Variants in SLC7A8 observed in about 807,000 individuals in gnomAD.
The protein encoded by SLC7A8 is solute carrier family 7 member 8, also known as large neutral amino acids transporter small subunit 2.
SLC7A8 carries 30 observed loss-of-function variants against 51.2 expected under a neutral mutation model. That is an observed-to-expected ratio of 0.59 (90% CI 0.44 to 0.80). The LOEUF (loss-of-function observed/expected upper bound fraction) is 0.80, where lower values mean the gene tolerates loss of function less well. Ranked by LOEUF, SLC7A8 falls within the 30% of genes least tolerant of loss-of-function variation. SLC7A8 has a pLI of 0.00. For missense variants in SLC7A8, 612 were observed against 674.4 expected, an observed-to-expected ratio of 0.91 and a Z score of 1.03; for synonymous variants, 257 against 275.8, an observed-to-expected ratio of 0.93 and a Z score of 0.67.
intron 7 of SLC7A8, among the ~76,000 whole-genome samples, chr14:23,137,135 T>C (rs1173036215): frequency 6.6e-6 from 1 of 152,110 alleles, no homozygotes; most frequent in Non-Finnish European, 1.5e-5. Flanking sequence ...ATTCAACATC[T>C]GCTAGCCTCA....
intron 3 of SLC7A8, among the ~76,000 whole-genome samples, chr14:23,149,620 G>C (rs563978774): frequency 9.7e-4 from 147 of 152,228 alleles, no homozygotes; most frequent in Middle Eastern, 3.4e-3. Context: ...ACATCAGAGG[G>C]GACAGAGTGG....
Position 23,183,469 on chromosome 14 carries a change from G to T in SLC7A8, c.-555C>A, listed in dbSNP as rs1365050336. The T allele has an allele frequency of 6.6e-6, 1 of 152,234 alleles. No homozygotes were observed. Among genetic ancestry groups the T allele is most frequent in the Non-Finnish European group, 1.5e-5 (1 of 68,128 alleles). The allele number at this position is 152,234 out of a possible 1,614,324, so 9.4% of individuals were successfully genotyped here. On this transcript the variant is annotated 5_prime_UTR_variant, in exon 1 of 11. Transcript: ENST00000316902. ...AGAAAAACAAACTGTGAACCTGACGGTGTTGCTCTAGATCTGGTTTCCACC... is the reference window on the plus strand; with the variant it reads ...AGAAAAACAAACTGTGAACCTGACGTTGTTGCTCTAGATCTGGTTTCCACC...
intron 9 of SLC7A8, chr14:23,129,444 C>A: frequency 1.8e-6 from 1 of 551,964 alleles, no homozygotes; most frequent in Non-Finnish European, 3.2e-6. Flanking sequence ...ACTTATTCCC[C>A]AGCTGCAGTC....
intron 1 of SLC7A8, 27 bp from the exon 2 acceptor site, chr14:23,166,567 G>A (rs2048951607): frequency 1.9e-6 from 3 of 1,612,784 alleles, no homozygotes; most frequent in Non-Finnish European, 2.5e-6. Flanking sequence ...GGGTAAGGAG[G>A]GGAGACAGTA....
intron 1 of SLC7A8, among the ~76,000 whole-genome samples, chr14:23,170,274 A>G: frequency 6.6e-6 from 1 of 152,184 alleles, no homozygotes; most frequent in East Asian, 1.9e-4. Flanking sequence ...CCATGATTCC[A>G]TGCTGCCTCC....
chr14:23,143,334 G>T, intron 3 of SLC7A8, 130 bp from the exon 4 acceptor site: 2 of 1,294,168 alleles, frequency 1.5e-6, no homozygotes, highest in Non-Finnish European at 2.1e-6. Flanking sequence ...CATCCAGCAA[G>T]CTCAACCCCA....
chr14:23,148,707 T>C (rs932402372), intron 3 of SLC7A8, among the ~76,000 whole-genome samples: 2 of 152,150 alleles, frequency 1.3e-5, no homozygotes, highest in African/African-American at 4.8e-5. Flanking sequence ...GCTTTGAAGA[T>C]GAAAGATGGG....
Position 23,165,648 on chromosome 14 carries a change from T to C in SLC7A8, c.357-212A>G, listed in dbSNP as rs1022297082. 6.6e-6 allele frequency among the ~76,000 whole-genome samples: 1 copy of C among 152,078 alleles called. No individual in the cohort carries two copies. Among genetic ancestry groups the C allele is most frequent in the African/African-American group, 2.4e-5 (1 of 41,378 alleles). ...AAATTTCCACAAGCACTAACACAAG[T>C]CTTGGCGTTCTTCCTTTCTCTCCTC... On this transcript the variant is annotated intron_variant, in intron 2 of 10. Transcript: ENST00000316902. This position sits in a 1 kb window ranked among gnomAD's most constrained non-coding sequence, Gnocchi z 4.2.
intron 3 of SLC7A8, among the ~76,000 whole-genome samples, chr14:23,144,701 G>A (rs74436529): frequency 0.015 from 2,215 of 152,036 alleles, 60 homozygotes; most frequent in African/African-American, 0.05. Context: ...TCCTTTGTGC[G>A]CCATCTCCAC....
intron 1 of SLC7A8, among the ~76,000 whole-genome samples, chr14:23,178,661 C>A (rs951953292): frequency 1.3e-5 from 2 of 151,374 alleles, no homozygotes; most frequent in East Asian, 1.9e-4. Flanking sequence ...ACACGTGTAA[C>A]CCCAACACTT....
At position 23,127,282 on chromosome 14, in the gene SLC7A8, G is replaced by C. The variant is rs762662504; in HGVS notation, c.1503C>G (p.Gly501=). 1 of 1,614,086 alleles carries C rather than the reference G, an allele frequency of 6.2e-7. No homozygotes were observed. The highest frequency in any genetic ancestry group is 8.5e-7 in the Non-Finnish European group (1 of 1,179,994). Residue 501 remains glycine (G), a synonymous_variant, in exon 11 of 11, where the codon GGC becomes GGG. Coordinates refer to ENST00000316902, the MANE Select transcript of SLC7A8 (RefSeq NM_012244.4). The stretch of plus-strand genomic sequence containing the variant: ...CCTCATTAGCCTCCTCTGTCCCTGA[G>C]CCCCGCTCCACCTCGGGGTACACGA... ...CVVVYPEVER[G]SGTEEANEDM...
At position 23,128,563 on chromosome 14, in the gene SLC7A8, GC is replaced by G. The variant is rs2048602584; in HGVS notation, c.1264-368del. ...AGCTTGCTGGCACATGGGTGTGTCT[GC>G]TGAGGTCCTAGGGTGGAGGGGAGGT... On this transcript the variant is annotated intron_variant, in intron 9 of 10. Transcript: ENST00000316902. The surrounding 1 kb of genome is among the most constrained non-coding windows in gnomAD (Gnocchi z 4.3). Among the ~76,000 whole-genome samples, 1 of 152,352 alleles carries G rather than the reference GC, an allele frequency of 6.6e-6. No individual in the cohort carries two copies. The highest frequency in any genetic ancestry group is 1.5e-5 in the Non-Finnish European group (1 of 68,032).
chr14:23,175,393 G>A (rs1021882950), intron 1 of SLC7A8, among the ~76,000 whole-genome samples: 1 of 152,164 alleles, frequency 6.6e-6, no homozygotes, highest in Admixed American at 6.5e-5. Flanking sequence ...ATTTTTAGTA[G>A]AGATGGGGTT....
chr14:23,127,762 G>A (rs893265637), intron 10 of SLC7A8, among the ~76,000 whole-genome samples: 3 of 152,196 alleles, frequency 2.0e-5, no homozygotes, highest in Admixed American at 1.3e-4. Context: ...GATTACAGGC[G>A]TGAGCCACTG....
intron 3 of SLC7A8, among the ~76,000 whole-genome samples, chr14:23,160,866 A>G (rs73598492): frequency 0.073 from 11,087 of 152,050 alleles, 882 homozygotes; most frequent in African/African-American, 0.19. Context: ...GTCCCCTCCT[A>G]ACTCCCTCCA....
rs1357670262 is a variant in SLC7A8 at position 23,128,752 on chromosome 14, C to T, written c.1264-556G>A. ...CCTGAGAGTATCCTCTTCAGGGCTCCAGGGGCAGTCCTGATTCGGCTGCCT... is the reference window on the plus strand; with the variant it reads ...CCTGAGAGTATCCTCTTCAGGGCTCTAGGGGCAGTCCTGATTCGGCTGCCT... On this transcript the variant is annotated intron_variant, in intron 9 of 10. Coordinates refer to ENST00000316902, the MANE Select transcript of SLC7A8 (RefSeq NM_012244.4). This position sits in a 1 kb window ranked among gnomAD's most constrained non-coding sequence, Gnocchi z 4.3. Among the ~76,000 whole-genome samples the T allele has an allele frequency of 1.3e-5, 2 of 152,208 alleles. No individual in the cohort carries two copies. Among genetic ancestry groups the T allele is most frequent in the Non-Finnish European group, 2.9e-5 (2 of 68,032 alleles).
chr14:23,177,656 C>T (rs1329652374), intron 1 of SLC7A8, among the ~76,000 whole-genome samples: 4 of 152,212 alleles, frequency 2.6e-5, no homozygotes, highest in Non-Finnish European at 5.9e-5. Context: ...GTGGGTACCT[C>T]TAACACGGCT....
At chr14:23,147,097 C>CCATCCATCCATCCATCCATA in intron 3 of SLC7A8, among the ~76,000 whole-genome samples, 1 of 151,902 alleles carries the variant, frequency 6.6e-6, no homozygotes, top group South Asian at 2.1e-4. Context: ...ATCCATCCAT[C>CCATCCATCCATCCATCCATA]CATCCATCAT....
At chr14:23,147,734 A>T (rs901707039) in intron 3 of SLC7A8, among the ~76,000 whole-genome samples, 2 of 152,342 alleles carry the variant, frequency 1.3e-5, no homozygotes, top group Non-Finnish European at 2.9e-5. Context: ...GTTCAAGAAG[A>T]TGCTGAAGTC....
Sources: gnomAD v4.1 joint callset for allele counts (sites outside exome capture counted in the v4.1 genomes callset) on GRCh38, gnomAD v4.1.1 for gene constraint, Gnocchi (gnomAD v3.1) non-coding constraint, MANE v1.5 for transcripts, NCBI Gene and HGNC (gene_info 2026-07-23, HGNC 2026-07-21) for gene names.